Variants in OLFM3 observed in about 807,000 individuals in gnomAD.
OLFM3 encodes the protein olfactomedin 3.
Under a neutral mutation model 48.6 loss-of-function variants are expected in OLFM3, and 20 were observed. That is an observed-to-expected ratio of 0.41 (90% CI 0.29 to 0.60). The LOEUF is 0.60. Among genes scored for constraint, OLFM3 ranks in the 20% least tolerant of loss-of-function variants. OLFM3 has a pLI of 0.28. For missense variants in OLFM3, 437 were observed against 544.3 expected, an observed-to-expected ratio of 0.80 and a Z score of 1.96; for synonymous variants, 222 against 198.1, an observed-to-expected ratio of 1.12 and a Z score of -1.01.
intron 1 of OLFM3, among the ~76,000 whole-genome samples, chr1:101,955,236 A>G (rs930597879): frequency 6.6e-6 from 1 of 151,958 alleles, no homozygotes; most frequent in Non-Finnish European, 1.5e-5. Context: ...TTTGCTGAAC[A>G]TTATCATGAT....
intron 1 of OLFM3, among the ~76,000 whole-genome samples, chr1:101,898,772 C>T (rs966406218): frequency 1.3e-4 from 20 of 152,208 alleles, no homozygotes; most frequent in African/African-American, 4.8e-4. Flanking sequence ...TCACTTGAGT[C>T]TGGGAGGCAG....
At chr1:101,879,031 G>A (rs1657411928) in intron 1 of OLFM3, among the ~76,000 whole-genome samples, 1 of 151,852 alleles carries the variant, frequency 6.6e-6, no homozygotes, top group South Asian at 2.1e-4. Context: ...GAGGGAAGCA[G>A]AGAAGGGATA....
chr1:101,957,276 G>A (rs1054901647), intron 1 of OLFM3, among the ~76,000 whole-genome samples: 1 of 151,950 alleles, frequency 6.6e-6, no homozygotes, highest in Non-Finnish European at 1.5e-5. Flanking sequence ...TGGGGATTTT[G>A]TGATTGTTTG....
At chr1:101,879,644 C>T (rs1657441741) in intron 1 of OLFM3, among the ~76,000 whole-genome samples, 1 of 151,700 alleles carries the variant, frequency 6.6e-6, no homozygotes, top group Non-Finnish European at 1.5e-5. Flanking sequence ...ATATAGAAGC[C>T]TAGATTTAGC....
intron 1 of OLFM3, among the ~76,000 whole-genome samples, chr1:101,995,325 C>A (rs1177630418): frequency 6.6e-6 from 1 of 151,950 alleles, no homozygotes; most frequent in Non-Finnish European, 1.5e-5. Flanking sequence ...TGTGTCACTA[C>A]AGGGTGCAGA....
intron 4 of OLFM3, among the ~76,000 whole-genome samples, chr1:101,809,480 G>A (rs1358958979): frequency 3.3e-5 from 5 of 151,798 alleles, no homozygotes; most frequent in Non-Finnish European, 5.9e-5. Flanking sequence ...TTTTTAACAT[G>A]TGCACTTTCC....
At chr1:101,924,853 G>A (rs995353049) in intron 1 of OLFM3, among the ~76,000 whole-genome samples, 16 of 152,094 alleles carry the variant, frequency 1.1e-4, no homozygotes, top group African/African-American at 3.6e-4. Flanking sequence ...TCTTGAGATA[G>A]GTCAAACAAT....
At chr1:101,891,011 G>T (rs1443908673) in intron 1 of OLFM3, among the ~76,000 whole-genome samples, 3 of 151,864 alleles carry the variant, frequency 2.0e-5, no homozygotes, top group Non-Finnish European at 4.4e-5. Flanking sequence ...TAGATAATCT[G>T]GGAATTCAAT....
intron 1 of OLFM3, among the ~76,000 whole-genome samples, chr1:101,933,897 T>C (rs1659533184): frequency 6.6e-6 from 1 of 152,182 alleles, no homozygotes; most frequent in African/African-American, 2.4e-5. Flanking sequence ...ATAAAATCCT[T>C]TTCAGACAAG....
chr1:101,813,920 C>T lies in OLFM3; in HGVS notation c.593-7738G>A, dbSNP rs142906923. On this transcript the variant is annotated intron_variant, in intron 4 of 5. Transcript: ENST00000370103. ...AATTTAAAAATAATAACTGCATCTT[C>T]GGTTTCTTATTCTGAAATAGTGAAT... is the stretch of plus-strand genomic sequence containing the variant. 7.2e-5 allele frequency among the ~76,000 whole-genome samples: 11 copies of T among 152,246 alleles called. No homozygotes were observed. In the East Asian group the frequency reaches 1.5e-3, roughly 21 times the overall value.
rs559735831 is a variant in OLFM3, at chr1:101,898,075, A to T, written c.70-61050T>A. Among the ~76,000 whole-genome samples, 44 of 152,316 alleles carry T rather than the reference A, an allele frequency of 2.9e-4. 1 individual carries two copies. The highest frequency in any genetic ancestry group is 9.9e-4 in the African/African-American group (41 of 41,578). On this transcript the variant is annotated intron_variant, in intron 1 of 5. Coordinates refer to ENST00000370103, the MANE Select transcript of OLFM3 (RefSeq NM_058170.4). ...TTGAATTGGGATAAGAAAAATTTTTAAAAGAAATAATTCACCCTTCCTTAA... is the reference window on the plus strand; with the variant it reads ...TTGAATTGGGATAAGAAAAATTTTTTAAAGAAATAATTCACCCTTCCTTAA...
intron 4 of OLFM3, chr1:101,812,329 T>A (rs1480235751): frequency 2.8e-6 from 2 of 710,166 alleles, no homozygotes; most frequent in African/African-American, 3.9e-5. Flanking sequence ...GAACTTAAAG[T>A]GTAATTTTAA....
At chr1:101,828,238 C>G (rs968715529) in intron 3 of OLFM3, among the ~76,000 whole-genome samples, 7 of 152,232 alleles carry the variant, frequency 4.6e-5, no homozygotes, top group African/African-American at 1.7e-4. Flanking sequence ...TGAGAATAGA[C>G]CAATACACTC....
At chr1:101,886,184 G>T (rs1190628955) in intron 1 of OLFM3, among the ~76,000 whole-genome samples, 1 of 151,874 alleles carries the variant, frequency 6.6e-6, no homozygotes. Flanking sequence ...AAATGAGAAG[G>T]TTGCACCCTC....
At chr1:101,970,245 G>A (rs1401859812) in intron 1 of OLFM3, among the ~76,000 whole-genome samples, 2 of 152,146 alleles carry the variant, frequency 1.3e-5, no homozygotes, top group Admixed American at 6.5e-5. Context: ...TTGAACTCCT[G>A]ACCTCAGGTG....
chr1:101,916,040 T>C (rs1658913928), intron 1 of OLFM3, among the ~76,000 whole-genome samples: 5 of 152,162 alleles, frequency 3.3e-5, no homozygotes, highest in Admixed American at 3.3e-4. Flanking sequence ...GAATTGACGC[T>C]ACAAGTTACA....
intron 1 of OLFM3, among the ~76,000 whole-genome samples, chr1:101,885,245 C>T (rs1657702140): frequency 6.6e-6 from 1 of 151,910 alleles, no homozygotes; most frequent in African/African-American, 2.4e-5. Flanking sequence ...CTAATAGACA[C>T]CACACCACAA....
rs151234520 is a variant in OLFM3 at position 101,828,160 on chromosome 1, A to T, written c.372+2512T>A. Among the ~76,000 whole-genome samples, 30 of 152,056 alleles carry T rather than the reference A, an allele frequency of 2.0e-4. No homozygotes were observed. The East Asian group carries it at 5.6e-3, about 28-fold the overall frequency. ...CCTGAGGCCTCCCCAGCCATGCAGA[A>T]CTGTAAGTCAATTAAACCTCTTTCT... On this transcript the variant is annotated intron_variant, in intron 3 of 5. Transcript: ENST00000370103.
intron 1 of OLFM3, among the ~76,000 whole-genome samples, chr1:101,879,894 G>T (rs1657450323): frequency 6.6e-6 from 1 of 151,722 alleles, no homozygotes; most frequent in African/African-American, 2.4e-5. Context: ...TTATTGTAAA[G>T]AAAAATAGCA....
Sources: allele counts gnomAD v4.1 joint callset (sites outside exome capture counted in the v4.1 genomes callset), GRCh38; gene constraint gnomAD v4.1.1; transcripts MANE v1.5; gene names NCBI Gene and HGNC (gene_info 2026-07-23, HGNC 2026-07-21).